Variants in SUPT5H observed in about 807,000 individuals in gnomAD.
SUPT5H encodes SPT5 homolog, DSIF elongation factor subunit.
SUPT5H carries 24 observed loss-of-function variants against 142.5 expected under a neutral mutation model. That is an observed-to-expected ratio of 0.17 (90% CI 0.12 to 0.24). SUPT5H has a LOEUF of 0.24. Among genes scored for constraint, SUPT5H ranks in the 10% least tolerant of loss-of-function variants. SUPT5H has a pLI of 1.00. For missense variants in SUPT5H, 893 were observed against 1,471.8 expected, an observed-to-expected ratio of 0.61 and a Z score of 6.43; for synonymous variants, 546 against 553.0, an observed-to-expected ratio of 0.99 and a Z score of 0.18.
At chr19:39,471,955 C>CT in intron 20 of SUPT5H, 2 of 647,872 alleles carry the variant, frequency 3.1e-6, no homozygotes, top group Non-Finnish European at 5.0e-6. Context: ...CTGTTAGGTG[C>CT]CAGACACTGG....
chr19:39,467,059 T>A, intron 13 of SUPT5H: 1 of 202,484 alleles, frequency 4.9e-6, no homozygotes, highest in South Asian at 1.3e-4. Context: ...ATAATAATAA[T>A]AAAAAGAAAA....
rs773579070 is a variant in SUPT5H, at chr19:39,468,743, C to T, written c.1038-13C>T. The T allele has an allele frequency of 6.2e-7, 1 of 1,610,510 alleles. No homozygotes were observed. Among genetic ancestry groups the T allele is most frequent in the Non-Finnish European group, 8.5e-7 (1 of 1,176,824 alleles). ...CTCTCCCTTCTAATCTTCTCTCCCC[C>T]ATCAAATTCCAGGTCCCTGGGGGGT... On this transcript the variant is annotated splice_polypyrimidine_tract_variant and intron_variant, in intron 13 of 29. Coordinates refer to ENST00000432763, the MANE Select transcript of SUPT5H (RefSeq NM_001111020.3).
intron 2 of SUPT5H, among the ~76,000 whole-genome samples, chr19:39,448,945 A>G (rs980336799): frequency 1.4e-5 from 2 of 144,928 alleles, no homozygotes; most frequent in African/African-American, 5.0e-5. Context: ...AATACAAAAA[A>G]TTAGCGTGGT....
At chr19:39,454,366 T>C (rs1337799194) in intron 3 of SUPT5H, among the ~76,000 whole-genome samples, 5 of 151,658 alleles carry the variant, frequency 3.3e-5, no homozygotes, top group African/African-American at 1.2e-4. Context: ...GTTTTTTTTT[T>C]TTTTTTTGAG....
Position 39,473,204 on chromosome 19 carries a change from G to T in SUPT5H, c.2260G>T (p.Gly754Cys). ...CCCATTTGTTCTCTGCGTCCCCAGGGGCTCACGGCGCCCGGGCGGCATGAC... is the reference window on the plus strand; with the variant it reads ...CCCATTTGTTCTCTGCGTCCCCAGGTGCTCACGGCGCCCGGGCGGCATGAC... ...SVDRQRLTTVGSRRPGGMTST... is the reference protein window; with the variant it reads ...SVDRQRLTTVCSRRPGGMTST... The change falls in exon 24 of 30, where the codon GGC (glycine) becomes TGC (cysteine). Residue 754 changes from glycine (G) to cysteine (C), a missense_variant and splice_region_variant. Around this residue, in one of 6 missense-constraint regions of SUPT5H, gnomAD observed 336 missense variants for 546.5 expected, o/e 0.61. Transcript: ENST00000432763. The surrounding 1 kb of genome is among the most constrained non-coding windows in gnomAD (Gnocchi z 5.8). The T allele has an allele frequency of 6.2e-7, 1 of 1,612,246 alleles. No individual in the cohort carries two copies. The highest frequency in any genetic ancestry group is 8.5e-7 in the Non-Finnish European group (1 of 1,179,922).
In SUPT5H at chr19:39,473,956, C is replaced by T. The variant is rs374745911; in HGVS notation, c.2493-7C>T. On this transcript the variant is annotated splice_polypyrimidine_tract_variant and splice_region_variant and intron_variant, in intron 25 of 29. Transcript: ENST00000432763. This position sits in a 1 kb window ranked among gnomAD's most constrained non-coding sequence, Gnocchi z 5.8. ...CAGTCGCTGTCAACAGACTTTTCTC[C>T]CAACAGGGCTGAGGAAGAATATGAG... is the stretch of plus-strand genomic sequence containing the variant. The T allele has an allele frequency of 2.5e-6, 4 of 1,613,828 alleles. No homozygotes were observed. Among genetic ancestry groups the T allele is most frequent in the East Asian group, 4.5e-5 (2 of 44,884 alleles).
Position 39,469,297 on chromosome 19 carries a change from A to G in SUPT5H, c.1273A>G (p.Asn425Asp). The G allele has an allele frequency of 3.7e-6, 6 of 1,614,190 alleles. No individual in the cohort carries two copies. The highest frequency in any genetic ancestry group is 1.1e-5 in the South Asian group (1 of 91,088). Residue 425 changes from asparagine to aspartate, a missense_variant, in exon 16 of 30, where the codon AAC becomes GAC. This residue lies in a region of SUPT5H where 428 missense variants were observed against 763.5 expected (regional missense o/e 0.56). Transcript: ENST00000432763. The surrounding 1 kb of genome is among the most constrained non-coding windows in gnomAD (Gnocchi z 5.1). ...EREHNFQPGDNVEVCEGELIN... is the reference protein window; with the variant it reads ...EREHNFQPGDDVEVCEGELIN... ...GGAGCACAACTTCCAACCTGGGGAC[A>G]ACGTGGAGGTCTGTGAGGGTGAGCT...
chr19:39,447,302 G>A (rs2078966393), intron 2 of SUPT5H, among the ~76,000 whole-genome samples: 1 of 152,150 alleles, frequency 6.6e-6, no homozygotes, highest in Non-Finnish European at 1.5e-5. Context: ...ATGAAACCAC[G>A]AAAAAGTTTG....
intron 2 of SUPT5H, among the ~76,000 whole-genome samples, chr19:39,451,334 G>A (rs1054059035): frequency 6.6e-6 from 1 of 151,200 alleles, no homozygotes; most frequent in Admixed American, 6.6e-5. Context: ...GACTACAGGC[G>A]TGCCACCATG....
Position 39,470,642 on chromosome 19 carries a change from TCA to T in SUPT5H, c.1677+121_1677+122del, listed in dbSNP as rs1451843899. Reference sequence around the variant, plus strand: ...GCTCTGGGTTGCAGATCTGGCTCTGTCACTTACATCTGAATGGCTGATAGTGG... The same window carrying T: ...GCTCTGGGTTGCAGATCTGGCTCTGTCTTACATCTGAATGGCTGATAGTGG... On this transcript the variant is annotated intron_variant, in intron 18 of 29. Transcript: ENST00000432763. This position sits in a 1 kb window ranked among gnomAD's most constrained non-coding sequence, Gnocchi z 5.8. 2 of 1,173,506 alleles carry T rather than the reference TCA, an allele frequency of 1.7e-6. No individual in the cohort carries two copies. Among genetic ancestry groups the T allele is most frequent in the Non-Finnish European group, 2.3e-6 (2 of 857,950 alleles). The allele number at this position is 1,173,506 out of a possible 1,614,324, so 72.7% of individuals were successfully genotyped here.
rs1228024518 is a variant in SUPT5H at position 39,472,330 on chromosome 19, G to A, written c.1951-79G>A. 10 of 1,428,802 alleles carry A rather than the reference G, an allele frequency of 7.0e-6. No individual in the cohort carries two copies. The highest frequency in any genetic ancestry group is 2.8e-5 in the African/African-American group (2 of 71,258). The allele number at this position is 1,428,802 out of a possible 1,614,324, so 88.5% of individuals were successfully genotyped here. ...GGCTGGGTGGTCTCCTCAGGGCCCT[G>A]CACGTGGGATGATGAGTTCCTGTGG... On this transcript the variant is annotated intron_variant, in intron 20 of 29. Transcript: ENST00000432763. The surrounding 1 kb of genome is among the most constrained non-coding windows in gnomAD (Gnocchi z 4.2).
At chr19:39,448,368 G>C (rs560537411) in intron 2 of SUPT5H, among the ~76,000 whole-genome samples, 1 of 152,302 alleles carries the variant, frequency 6.6e-6, no homozygotes, top group East Asian at 1.9e-4. Context: ...TGTGGTGGGA[G>C]AGTGACAGGG....
Position 39,466,551 on chromosome 19 carries a change from C to T in SUPT5H, c.948C>T (p.Ile316=). The change falls in exon 12 of 30, where the codon ATC becomes ATT. Residue 316 remains isoleucine, a synonymous_variant. Transcript: ENST00000432763. The surrounding 1 kb of genome is among the most constrained non-coding windows in gnomAD (Gnocchi z 4.3). ...TCCCACGCATCGACTACGATCGCAT[C>T]AAGGCCCGCATGAGCTTGGTACTCA... The part of the protein sequence containing the change: ...KMIPRIDYDR[I]KARMSLKDWF... 6.2e-7 allele frequency: 1 copy of T among 1,614,146 alleles called. No homozygotes were observed. The highest frequency in any genetic ancestry group is 8.5e-7 in the Non-Finnish European group (1 of 1,180,024).
chr19:39,474,783 C>T lies in SUPT5H; in HGVS notation c.3024+65C>T. On this transcript the variant is annotated intron_variant, in intron 28 of 29. Coordinates refer to ENST00000432763, the MANE Select transcript of SUPT5H (RefSeq NM_001111020.3). The surrounding 1 kb of genome is among the most constrained non-coding windows in gnomAD (Gnocchi z 6.5). ...TCCTTGGTACCCCCTAAACTGGAGA[C>T]AGACCTGTCCCCAGATGGTGACAGC... The T allele has an allele frequency of 1.3e-6, 2 of 1,512,414 alleles. No homozygotes were observed. The highest frequency in any genetic ancestry group is 9.0e-7 in the Non-Finnish European group (1 of 1,115,596). The allele number at this position is 1,512,414 out of a possible 1,614,324, so 93.7% of individuals were successfully genotyped here.
At chr19:39,462,095 A>T (rs549754493) in intron 10 of SUPT5H, among the ~76,000 whole-genome samples, 1 of 152,106 alleles carries the variant, frequency 6.6e-6, no homozygotes, top group South Asian at 2.1e-4. Flanking sequence ...TTTTTAATAG[A>T]GACGGGGTTT....
chr19:39,469,775 G>T lies in SUPT5H; in HGVS notation c.1375-344G>T. 2.1e-6 allele frequency: 1 copy of T among 478,616 alleles called. No individual in the cohort carries two copies. Among genetic ancestry groups the T allele is most frequent in the Non-Finnish European group, 3.8e-6 (1 of 261,440 alleles). The allele number at this position is 478,616 out of a possible 1,614,324, so 29.6% of individuals were successfully genotyped here. On this transcript the variant is annotated intron_variant, in intron 16 of 29. Transcript: ENST00000432763. This position sits in a 1 kb window ranked among gnomAD's most constrained non-coding sequence, Gnocchi z 5.1. ...ATGTCTGAGGGGTTGTGCAGGCCCA[G>T]TGTGATGTGTGGGGTGAGGCTGTCT...
At chr19:39,455,643 G>A (rs185748868) in intron 3 of SUPT5H, among the ~76,000 whole-genome samples, 45 of 147,630 alleles carry the variant, frequency 3.0e-4, no homozygotes, top group African/African-American at 1.0e-3. Flanking sequence ...TTTTTTTTGA[G>A]ATGGAGTTTC....
At chr19:39,475,225 CAAAAAAAAA>C (rs57886387) in intron 28 of SUPT5H, 17,853 of 81,424 alleles carry the variant, frequency 0.22, 848 homozygotes, top group Middle Eastern at 0.27. Context: ...ACTAAAAATA[CAAAAAAAAA>C]AAAAAAAAAA....
rs2079346932 is a variant in SUPT5H at position 39,473,132 on chromosome 19, G to A, written c.2258+18G>A. The A allele has an allele frequency of 1.2e-6, 2 of 1,612,188 alleles. No homozygotes were observed. The highest frequency in any genetic ancestry group is 1.7e-6 in the Non-Finnish European group (2 of 1,179,684). ...ACCACGGTGTACGGGCGGGGCCTGG[G>A]GAGGGCCAGGGTGGGGCTTGCTAGG... On this transcript the variant is annotated intron_variant, in intron 23 of 29. Coordinates refer to ENST00000432763, the MANE Select transcript of SUPT5H (RefSeq NM_001111020.3). The surrounding 1 kb of genome is among the most constrained non-coding windows in gnomAD (Gnocchi z 5.8).
Sources: gnomAD v4.1 joint callset for allele counts (sites outside exome capture counted in the v4.1 genomes callset) on GRCh38, gnomAD v4.1.1 for gene constraint, gnomAD v4.1.1 regional missense constraint, Gnocchi (gnomAD v3.1) non-coding constraint, MANE v1.5 for transcripts, NCBI Gene and HGNC (gene_info 2026-07-23, HGNC 2026-07-21) for gene names.